Variants in GRID1 observed in about 807,000 individuals in gnomAD.
GRID1 encodes glutamate receptor ionotropic, delta-1.
A neutral mutation model predicts 98.0 loss-of-function variants in GRID1; 28 were observed. That is an observed-to-expected ratio of 0.29 (90% confidence interval 0.21 to 0.39). The LOEUF is 0.39. Among genes scored for constraint, GRID1 ranks in the 10% least tolerant of loss-of-function variants. The pLI, the probability that GRID1 is intolerant of heterozygous loss-of-function variation, is 1.00. For missense variants in GRID1, 1,111 were observed against 1,340.5 expected, an observed-to-expected ratio of 0.83 and a Z score of 2.67; for synonymous variants, 553 against 538.5, an observed-to-expected ratio of 1.03 and a Z score of -0.37.
chr10:86,348,926 A>T (rs1049124791), intron 2 of GRID1, among the ~76,000 whole-genome samples: 2 of 152,216 alleles, frequency 1.3e-5, no homozygotes, highest in Non-Finnish European at 2.9e-5. Context: ...GAGCATGTAC[A>T]ACTACAGAGC....
chr10:86,162,232 GGAAAAAGGGAA>G, intron 3 of GRID1, among the ~76,000 whole-genome samples: 1 of 152,246 alleles, frequency 6.6e-6, no homozygotes, highest in Admixed American at 6.5e-5. Flanking sequence ...GGCCCAGGGA[GGAAAAAGGGAA>G]GAGGGTGCAG....
intron 4 of GRID1, among the ~76,000 whole-genome samples, chr10:85,976,791 C>A (rs1231293070): frequency 6.6e-6 from 1 of 152,250 alleles, no homozygotes; most frequent in Non-Finnish European, 1.5e-5. Context: ...CAAAATTCTG[C>A]CTTCAGGACT....
rs569818821 is a variant in GRID1, at chr10:86,366,279, C to A, written c.79+35G>T. ...GCACCCCCTGCCCCGTTGGGGCCCCCGCCCAGCCTCGGCCCGGCCTCCAGC... is the reference window on the plus strand; with the variant it reads ...GCACCCCCTGCCCCGTTGGGGCCCCAGCCCAGCCTCGGCCCGGCCTCCAGC... On this transcript the variant is annotated intron_variant, in intron 1 of 15. Transcript: ENST00000327946. This position sits in a 1 kb window ranked among gnomAD's most constrained non-coding sequence, Gnocchi z 4.1. The A allele has an allele frequency of 1.4e-4, 197 of 1,443,896 alleles. 1 individual carries two copies. In the African/African-American group the frequency reaches 2.2e-3, roughly 16 times the overall value. 89.4% of individuals were successfully genotyped at this position (1,443,896 alleles called of 1,614,324 possible). A position where few individuals can be genotyped will look rare whatever the true frequency, so the allele number is the denominator to read the frequency against.
At chr10:86,218,861 C>A (rs923120783) in intron 2 of GRID1, among the ~76,000 whole-genome samples, 1 of 152,246 alleles carries the variant, frequency 6.6e-6, no homozygotes, top group Non-Finnish European at 1.5e-5. Flanking sequence ...CTCCCTAGCA[C>A]CCCGCATGGA....
chr10:86,242,832 G>A (rs1048102731), intron 2 of GRID1, among the ~76,000 whole-genome samples: 1 of 152,180 alleles, frequency 6.6e-6, no homozygotes, highest in African/African-American at 2.4e-5. Flanking sequence ...GGAAACTCAG[G>A]CACAGAGAGG....
At chr10:86,167,194 A>G (rs962252485) in intron 3 of GRID1, among the ~76,000 whole-genome samples, 1 of 152,246 alleles carries the variant, frequency 6.6e-6, no homozygotes, top group Non-Finnish European at 1.5e-5. Flanking sequence ...GGAGCTTCCA[A>G]TAAAGCAGGA....
In GRID1 at chr10:85,649,617, C is replaced by A. The variant is rs187374341; in HGVS notation, c.1998-2220G>T. On this transcript the variant is annotated intron_variant, in intron 12 of 15. Coordinates refer to ENST00000327946, the MANE Select transcript of GRID1 (RefSeq NM_017551.3). ...AATACTGAGCTGCTCTAAATTGCTG[C>A]AGTTTTCATGAGTGTGGAATGAATG... Among the ~76,000 whole-genome samples the A allele has an allele frequency of 2.0e-3, 306 of 152,202 alleles. 1 individual carries two copies. Among genetic ancestry groups the A allele is most frequent in the African/African-American group, 7.0e-3 (291 of 41,520 alleles).
intron 3 of GRID1, among the ~76,000 whole-genome samples, chr10:86,163,148 TATGC>T (rs1845345708): frequency 6.6e-6 from 1 of 152,174 alleles, no homozygotes; most frequent in Non-Finnish European, 1.5e-5. Flanking sequence ...CAGTGCCCTT[TATGC>T]ATCCCAGGTT....
At chr10:85,691,591 A>C (rs1322145789) in intron 12 of GRID1, among the ~76,000 whole-genome samples, 2 of 152,136 alleles carry the variant, frequency 1.3e-5, no homozygotes, top group South Asian at 2.1e-4. Flanking sequence ...TTTCTGAAAA[A>C]TTTGGAATTC....
Position 86,195,996 on chromosome 10 carries a change from G to A in GRID1, c.520+10368C>T, listed in dbSNP as rs147354329. 3.9e-5 allele frequency among the ~76,000 whole-genome samples: 6 copies of A among 152,116 alleles called. No individual in the cohort carries two copies. Among genetic ancestry groups the A allele is most frequent in the East Asian group, 1.9e-4 (1 of 5,184 alleles). ...AAAGTTCACACAGAGGACAAGCCTC[G>A]ACGTCACAGCACATGCCTCACATCA... On this transcript the variant is annotated intron_variant, in intron 3 of 15. Transcript: ENST00000327946. The surrounding 1 kb of genome is among the most constrained non-coding windows in gnomAD (Gnocchi z 4.4).
At chr10:86,280,595 C>A (rs10887572) in intron 2 of GRID1, among the ~76,000 whole-genome samples, 9,466 of 151,872 alleles carry the variant, frequency 0.062, 510 homozygotes, top group African/African-American at 0.15. Context: ...TTCCACCTCT[C>A]CTCCCTTCAT....
chr10:86,182,901 G>A (rs891799951), intron 3 of GRID1, among the ~76,000 whole-genome samples: 1 of 152,146 alleles, frequency 6.6e-6, no homozygotes, highest in African/African-American at 2.4e-5. Flanking sequence ...GGTTTCTTTG[G>A]CATGGACAAA....
chr10:85,770,842 C>G (rs946608464), intron 8 of GRID1, among the ~76,000 whole-genome samples: 15 of 152,170 alleles, frequency 9.9e-5, no homozygotes, highest in Non-Finnish European at 1.9e-4. Flanking sequence ...ACCAAATCTA[C>G]GTCTGATTGG....
chr10:85,784,071 G>A (rs1001301267), intron 8 of GRID1, among the ~76,000 whole-genome samples: 2 of 152,138 alleles, frequency 1.3e-5, no homozygotes, highest in African/African-American at 4.8e-5. Flanking sequence ...CAAACCTTCA[G>A]CAAAATCTGC....
intron 4 of GRID1, among the ~76,000 whole-genome samples, chr10:85,927,536 A>G (rs1219446243): frequency 6.6e-6 from 1 of 151,608 alleles, no homozygotes; most frequent in African/African-American, 2.4e-5. Context: ...TCTGTGGGAA[A>G]GTTGGAGATA....
chr10:85,813,116 G>C (rs963276477), intron 8 of GRID1, among the ~76,000 whole-genome samples: 4 of 151,748 alleles, frequency 2.6e-5, no homozygotes, highest in African/African-American at 9.7e-5. Context: ...TGGTTTAATT[G>C]ATGTGCCATT....
At chr10:85,767,932 A>G (rs148640242) in intron 8 of GRID1, among the ~76,000 whole-genome samples, 112 of 152,344 alleles carry the variant, frequency 7.4e-4, no homozygotes, top group African/African-American at 2.6e-3. Flanking sequence ...GAGCCTTTAC[A>G]TTGCTGTTTG....
intron 8 of GRID1, among the ~76,000 whole-genome samples, chr10:85,831,150 C>G (rs943015232): frequency 1.3e-5 from 2 of 151,972 alleles, no homozygotes; most frequent in Admixed American, 6.6e-5. Flanking sequence ...GAGATCATGT[C>G]CTTTGCAGAA....
At chr10:85,614,065 T>G (rs1472623100) in intron 14 of GRID1, among the ~76,000 whole-genome samples, 4 of 152,258 alleles carry the variant, frequency 2.6e-5, no homozygotes, top group Non-Finnish European at 5.9e-5. Flanking sequence ...CTTTCATTAC[T>G]ATATCCTAAG....
Sources: gnomAD v4.1 joint callset for allele counts (sites outside exome capture counted in the v4.1 genomes callset) on GRCh38, gnomAD v4.1.1 for gene constraint, Gnocchi (gnomAD v3.1) non-coding constraint, MANE v1.5 for transcripts, NCBI Gene and HGNC (gene_info 2026-07-23, HGNC 2026-07-21) for gene names.